TEX9: variants seen among roughly 807,000 people sequenced by gnomAD.
The protein encoded by TEX9 is testis expressed 9, also known as testis-expressed protein 9.
In TEX9, 74 loss-of-function variants were observed where a neutral mutation model predicts 59.6. The observed-to-expected ratio is 1.24, with a 90% CI of 1.03 to 1.51. The LOEUF (loss-of-function observed/expected upper bound fraction) is 1.51. Among genes scored for constraint, TEX9 ranks in the 40% most tolerant of loss-of-function variants. The probability of loss-of-function intolerance (pLI) is 0.00; values close to 1 mark genes in which losing one functional copy is unlikely to be tolerated. For synonymous variants in TEX9, 186 were observed against 152.2 expected (o/e 1.22, Z -1.64); for missense variants, 522 against 447.8 (o/e 1.17, Z -1.49).
chr15:56,261,408 C>G (rs1400045488), intron 1 of TEX9, among the ~76,000 whole-genome samples: 1 of 151,640 alleles, frequency 6.6e-6, no homozygotes, highest in African/African-American at 2.4e-5. Context: ...GTAATTTTAA[C>G]CAAAAAATAA....
chr15:56,393,067 T>A (rs2048292257), intron 7 of TEX9, among the ~76,000 whole-genome samples: 1 of 152,126 alleles, frequency 6.6e-6, no homozygotes, highest in African/African-American at 2.4e-5. Flanking sequence ...ACTGTGGGCC[T>A]CCAGACATGG....
chr15:56,282,313 A>G (rs2044837461), intron 1 of TEX9, among the ~76,000 whole-genome samples: 1 of 152,192 alleles, frequency 6.6e-6, no homozygotes, highest in African/African-American at 2.4e-5. Context: ...TTCCTAATAT[A>G]TTCTCTGCAA....
intron 1 of TEX9, among the ~76,000 whole-genome samples, chr15:56,346,761 C>T (rs757146437): frequency 7.9e-5 from 12 of 152,038 alleles, no homozygotes; most frequent in African/African-American, 1.9e-4. Flanking sequence ...GGAAATTAAA[C>T]GCATAAAAAT....
intron 12 of TEX9, among the ~76,000 whole-genome samples, chr15:56,433,255 C>CGG (rs572493916): frequency 7.1e-5 from 1 of 14,014 alleles, no homozygotes; most frequent in Non-Finnish European, 1.6e-4. Context: ...CAGGGCCTGT[C>CGG]GGGGGGTGGG....
chr15:56,368,757 C>T (rs1270672123), intron 2 of TEX9, among the ~76,000 whole-genome samples: 2 of 152,250 alleles, frequency 1.3e-5, no homozygotes, highest in Non-Finnish European at 2.9e-5. Flanking sequence ...GTACACCCCT[C>T]CTTTTGGTAG....
chr15:56,393,564 A>G (rs2048315269), intron 7 of TEX9: 1 of 152,184 alleles, frequency 6.6e-6, no homozygotes, highest in South Asian at 2.1e-4. Context: ...TTCTAAGTTC[A>G]GTTTTCACTT....
At chr15:56,443,821 T>G in intron 12 of TEX9, 1 of 1,604,778 alleles carries the variant, frequency 6.2e-7, no homozygotes, top group Non-Finnish European at 8.5e-7. Context: ...ACCTTCGCAT[T>G]GCATTCATTT....
At chr15:56,364,815 T>C (rs548640772), upstream of TEX9, among the ~76,000 whole-genome samples, 1 of 152,324 alleles carries the variant, frequency 6.6e-6, no homozygotes, top group South Asian at 2.1e-4. Context: ...TGTTAACCGC[T>C]TACGTGTTTC....
At chr15:56,354,228 G>T (rs1343898269) in intron 1 of TEX9, among the ~76,000 whole-genome samples, 1 of 152,158 alleles carries the variant, frequency 6.6e-6, no homozygotes, top group Non-Finnish European at 1.5e-5. Flanking sequence ...TTTGCTCCAC[G>T]TGCTTGCAGA....
At chr15:56,348,074 C>T (rs2141862164) in intron 1 of TEX9, among the ~76,000 whole-genome samples, 1 of 152,214 alleles carries the variant, frequency 6.6e-6, no homozygotes, top group South Asian at 2.1e-4. Flanking sequence ...GTATCGATGT[C>T]AGTATCCTAA....
intron 10 of TEX9, among the ~76,000 whole-genome samples, chr15:56,426,854 T>C (rs967085795): frequency 1.6e-4 from 25 of 151,692 alleles, no homozygotes; most frequent in African/African-American, 4.8e-4. Context: ...CTAAAGAGCT[T>C]ATCCAGTCCA....
intron 8 of TEX9, 95 bp from the exon 9 acceptor site, chr15:56,394,566 A>G (rs545282612): frequency 4.8e-4 from 442 of 923,028 alleles, no homozygotes; most frequent in Non-Finnish European, 4.1e-4. Flanking sequence ...ACGTGTATAA[A>G]TATCAAAGAA....
chr15:56,423,258 GTT>G (rs748335386), intron 10 of TEX9, among the ~76,000 whole-genome samples: 33 of 152,120 alleles, frequency 2.2e-4, no homozygotes, highest in Non-Finnish European at 3.7e-4. Context: ...TGTCCTATAA[GTT>G]TTGGTGTATT....
At chr15:56,291,345 T>C (rs947718269) in intron 1 of TEX9, among the ~76,000 whole-genome samples, 1 of 152,230 alleles carries the variant, frequency 6.6e-6, no homozygotes, top group Admixed American at 6.5e-5. Flanking sequence ...GAGGATCATT[T>C]ACACTACCTT....
chr15:56,329,011 G>C (rs55833807), intron 1 of TEX9, among the ~76,000 whole-genome samples: 5,056 of 152,238 alleles, frequency 0.033, 312 homozygotes, highest in African/African-American at 0.11. Context: ...TTGACCCAGA[G>C]CAGTCCCAGT....
chr15:56,298,237 A>C (rs1421795078), intron 1 of TEX9, among the ~76,000 whole-genome samples: 1 of 152,244 alleles, frequency 6.6e-6, no homozygotes, highest in Non-Finnish European at 1.5e-5. Context: ...AAGTTTCTTG[A>C]TATTAACAAG....
chr15:56,448,890 A>T (rs2050927802), downstream of TEX9, among the ~76,000 whole-genome samples: 1 of 151,394 alleles, frequency 6.6e-6, no homozygotes, highest in Non-Finnish European at 1.5e-5. Flanking sequence ...GGTAGCTGGG[A>T]CTACAGGTGT....
intron 1 of TEX9, among the ~76,000 whole-genome samples, chr15:56,261,185 G>C (rs2682057): frequency 6.6e-6 from 1 of 151,750 alleles, no homozygotes; most frequent in African/African-American, 2.4e-5. Context: ...CTTTGGCTTT[G>C]TTGATTTTTC....
intron 11 of TEX9, 53 bp from the exon 12 acceptor site, chr15:56,428,314 T>C: frequency 7.6e-7 from 1 of 1,318,790 alleles, no homozygotes; most frequent in Non-Finnish European, 1.1e-6. Context: ...TCCTGTTGTT[T>C]GGTGGCCTAC....
Sources: gnomAD v4.1 joint callset for allele counts (sites outside exome capture counted in the v4.1 genomes callset) on GRCh38, gnomAD v4.1.1 for gene constraint, MANE v1.5 for transcripts, NCBI Gene and HGNC (gene_info 2026-07-23, HGNC 2026-07-21) for gene names.